FFAR3: variants seen among roughly 807,000 people sequenced by gnomAD.
FFAR3 encodes G-protein coupled receptor 41.
For synonymous variants in FFAR3, 68 were observed against 201.1 expected, an observed-to-expected ratio of 0.34 and a Z score of 5.60; for missense variants, 136 against 446.5, an observed-to-expected ratio of 0.30 and a Z score of 6.27.
upstream of FFAR3, chr19:35,358,394 G>A (rs1683020204): frequency 1.1e-6 from 1 of 931,396 alleles, no homozygotes; most frequent in African/African-American, 1.8e-5. Context: ...ACGTCGGCTG[G>A]GGCCTGCTTA....
At chr19:35,358,411 C>T (rs2066973804), upstream of FFAR3, 3 of 1,067,606 alleles carry the variant, frequency 2.8e-6, no homozygotes, top group Non-Finnish European at 3.4e-6. Flanking sequence ...CTTAGAGCAT[C>T]CCAGCTGAGA....
At chr19:35,358,347 A>C, upstream of FFAR3, 1 of 472,640 alleles carries the variant, frequency 2.1e-6, no homozygotes, top group East Asian at 1.2e-4. Context: ...CATTCTAGAG[A>C]AGCAGACAAA....
upstream of FFAR3, chr19:35,358,427 T>C (rs1029904891): frequency 9.2e-7 from 1 of 1,090,792 alleles, no homozygotes; most frequent in Non-Finnish European, 1.1e-6. Context: ...TGAGACTGCA[T>C]GAGGAGGGAG....
rs2066974508 is a variant in FFAR3 at position 35,358,538 on chromosome 19, A to T, written c.-123A>T. The T allele has an allele frequency of 1.6e-6, 2 of 1,280,108 alleles. No homozygotes were observed. Among genetic ancestry groups the T allele is most frequent in the Non-Finnish European group, 2.0e-6 (2 of 1,002,060 alleles). The allele number at this position is 1,280,108 out of a possible 1,614,324, so 79.3% of individuals were successfully genotyped here. A position where few individuals can be genotyped will look rare whatever the true frequency, so the allele number is the denominator to read the frequency against. On this transcript the variant is annotated 5_prime_UTR_variant, in exon 1 of 2. An upstream start codon of the reference 5' UTR is lost. Coordinates refer to ENST00000327809, the MANE Select transcript of FFAR3 (RefSeq NM_005304.5). ...CCACTGCTCAACAGTGAGTGACGTC[A>T]TGGGCACGGCCAGGTCTTTATCAGT...
chr19:35,359,650 A>T lies in FFAR3; in HGVS notation c.760A>T (p.Ser254Cys), dbSNP rs145749822. The stretch of plus-strand genomic sequence containing the variant: ...TGTCGTGGGCTATATCTGCGGTGAA[A>T]GCCCGGCGTGGAGGATCTACGTGAC... Reference protein sequence around the residue: ...SHVVGYICGESPAWRIYVTLL... With the variant: ...SHVVGYICGECPAWRIYVTLL... The change falls in exon 2 of 2, where the codon AGC (serine) becomes TGC (cysteine). Residue 254 changes from serine (S) to cysteine (C), a missense_variant. Ser to Cys is a moderately radical substitution (Grantham distance 112, BLOSUM62 -1). Transcript: ENST00000327809. The T allele has an allele frequency of 2.9e-5, 46 of 1,614,034 alleles. No homozygotes were observed. The African/African-American group carries it at 5.1e-4, about 18-fold the overall frequency.
At position 35,359,907 on chromosome 19, in the gene FFAR3, C is replaced by G. The variant is rs767292328; in HGVS notation, c.1017C>G (p.Gly339=). The G allele has an allele frequency of 9.5e-6, 15 of 1,570,730 alleles. No homozygotes were observed. The highest frequency in any genetic ancestry group is 1.1e-5 in the Non-Finnish European group (13 of 1,158,526). The change falls in exon 2 of 2, where the codon GGC becomes GGG. Residue 339 remains glycine (G), a synonymous_variant. Transcript: ENST00000327809. ...ACTCACAGGGCTGTGGAACTGGTGG[C>G]CAGGTGGCCTGTGCTGAAAGCTAGG... ...SEHSQGCGTG[G]QVACAES
chr19:35,358,478 C>G lies in FFAR3; in HGVS notation c.-183C>G, dbSNP rs2066974140. 8.7e-7 allele frequency: 1 copy of G among 1,155,192 alleles called. No individual in the cohort carries two copies. The highest frequency in any genetic ancestry group is 1.1e-6 in the Non-Finnish European group (1 of 931,900). The allele number at this position is 1,155,192 out of a possible 1,614,324, so 71.6% of individuals were successfully genotyped here. A position where few individuals can be genotyped will look rare whatever the true frequency, so the allele number is the denominator to read the frequency against. On this transcript the variant is annotated 5_prime_UTR_variant, in exon 1 of 2. Coordinates refer to ENST00000327809, the MANE Select transcript of FFAR3 (RefSeq NM_005304.5). The stretch of plus-strand genomic sequence containing the variant: ...ATTTGTTCCCCTTTTAGCATGCTGA[C>G]CAGCCCTGGCAACGGAGCTCAAGGC...
In FFAR3 at chr19:35,360,190, G is replaced by A; in HGVS notation, c.*259G>A. On this transcript the variant is annotated 3_prime_UTR_variant, in exon 2 of 2. Coordinates refer to ENST00000327809, the MANE Select transcript of FFAR3 (RefSeq NM_005304.5). ...TCTGGAGAACAATGAGGTCCTCATA[G>A]CAGCAGGCAGCTCCTGTGTTTTCTT... 1 of 530,000 alleles carries A rather than the reference G, an allele frequency of 1.9e-6. No individual in the cohort carries two copies. The highest frequency in any genetic ancestry group is 3.5e-6 in the Non-Finnish European group (1 of 282,504). The allele number at this position is 530,000 out of a possible 1,614,324, so 32.8% of individuals were successfully genotyped here. A position where few individuals can be genotyped will look rare whatever the true frequency, so the allele number is the denominator to read the frequency against.
upstream of FFAR3, among the ~76,000 whole-genome samples, chr19:35,358,272 C>G (rs962844051): frequency 6.6e-6 from 1 of 152,192 alleles, no homozygotes; most frequent in African/African-American, 2.4e-5. Context: ...AAACAGACCT[C>G]ACGGAGCTCG....
chr19:35,358,395 G>A (rs1446629603), upstream of FFAR3: 7 of 947,104 alleles, frequency 7.4e-6, no homozygotes, highest in Admixed American at 2.5e-4. Flanking sequence ...CGTCGGCTGG[G>A]GCCTGCTTAG....
Position 35,359,849 on chromosome 19 carries a change from C to G in FFAR3, c.959C>G (p.Ala320Gly), listed in dbSNP as rs747309118. The change falls in exon 2 of 2, where the codon GCG becomes GGG. Residue 320 changes from alanine to glycine, a missense_variant. Ala to Gly is a moderately conservative substitution (Grantham distance 60). Coordinates refer to ENST00000327809, the MANE Select transcript of FFAR3 (RefSeq NM_005304.5). ...CAGAAGGGAGGGGAGGAGCAGAGAG[C>G]GGACCGACCAGCTGAAAGAAAGACC... ...KEQKGGEEQRADRPAERKTSE... is the reference protein window; with the variant it reads ...KEQKGGEEQRGDRPAERKTSE... 1.3e-6 allele frequency: 2 copies of G among 1,596,966 alleles called. No homozygotes were observed. Among genetic ancestry groups the G allele is most frequent in the African/African-American group, 1.3e-5 (1 of 74,262 alleles).
In FFAR3 at chr19:35,358,526, G is replaced by A. The variant is rs375854528; in HGVS notation, c.-135G>A. On this transcript the variant is annotated 5_prime_UTR_variant, in exon 1 of 2. It adds an upstream start codon to the 5' untranslated region. Transcript: ENST00000327809. The stretch of plus-strand genomic sequence containing the variant: ...GGCATCTATGTGCCACTGCTCAACA[G>A]TGAGTGACGTCATGGGCACGGCCAG... The A allele has an allele frequency of 1.2e-5, 15 of 1,265,636 alleles. No individual in the cohort carries two copies. The East Asian group carries it at 2.8e-4, about 24-fold the overall frequency. 78.4% of individuals were successfully genotyped at this position (1,265,636 alleles called of 1,614,324 possible). A position where few individuals can be genotyped will look rare whatever the true frequency, so the allele number is the denominator to read the frequency against.
rs1445920707 is a variant in FFAR3, at chr19:35,360,207, T to C, written c.*276T>C. On this transcript the variant is annotated 3_prime_UTR_variant, in exon 2 of 2. Coordinates refer to ENST00000327809, the MANE Select transcript of FFAR3 (RefSeq NM_005304.5). ...TCCTCATAGCAGCAGGCAGCTCCTG[T>C]GTTTTCTTGAGGGTGGCAGAGGAGC... is the stretch of plus-strand genomic sequence containing the variant. 3.8e-6 allele frequency: 2 copies of C among 522,544 alleles called. No individual in the cohort carries two copies. The highest frequency in any genetic ancestry group is 2.1e-5 in the South Asian group (1 of 48,260). 32.4% of individuals were successfully genotyped at this position (522,544 alleles called of 1,614,324 possible).
At position 35,358,548 on chromosome 19, in the gene FFAR3, C is replaced by T; in HGVS notation, c.-113C>T. The T allele has an allele frequency of 1.5e-6, 2 of 1,292,850 alleles. No homozygotes were observed. Among genetic ancestry groups the T allele is most frequent in the South Asian group, 3.2e-5 (2 of 61,942 alleles). 80.1% of individuals were successfully genotyped at this position (1,292,850 alleles called of 1,614,324 possible). The stretch of plus-strand genomic sequence containing the variant: ...ACAGTGAGTGACGTCATGGGCACGG[C>T]CAGGTCTTTATCAGTTCTGCCGGAT... On this transcript the variant is annotated 5_prime_UTR_variant, in exon 1 of 2. Transcript: ENST00000327809.
Position 35,358,469 on chromosome 19 carries a change from G to A in FFAR3, c.-192G>A. ...AGTTGTGGAATTTGTTCCCCTTTTA[G>A]CATGCTGACCAGCCCTGGCAACGGA... On this transcript the variant is annotated 5_prime_UTR_variant, in exon 1 of 2. Coordinates refer to ENST00000327809, the MANE Select transcript of FFAR3 (RefSeq NM_005304.5). The A allele has an allele frequency of 2.6e-6, 3 of 1,134,558 alleles. No individual in the cohort carries two copies. In the African/African-American group the frequency reaches 4.8e-5, roughly 18 times the overall value. 70.3% of individuals were successfully genotyped at this position (1,134,558 alleles called of 1,614,324 possible).
At position 35,359,037 on chromosome 19, in the gene FFAR3, C is replaced by A; in HGVS notation, c.147C>A (p.Ala49=). The A allele has an allele frequency of 6.2e-7, 1 of 1,611,714 alleles. No individual in the cohort carries two copies. Among genetic ancestry groups the A allele is most frequent in the Non-Finnish European group, 8.5e-7 (1 of 1,178,372 alleles). ...GCAAGCTGCAGCGCCGCCCGGTGGC[C>A]GTGGACGTGCTCCTGCTCAACCTGA... ...FVGKLQRRPV[A]VDVLLLNLTA... The change falls in exon 2 of 2, where the codon GCC becomes GCA. Residue 49 remains alanine, a synonymous_variant. Coordinates refer to ENST00000327809, the MANE Select transcript of FFAR3 (RefSeq NM_005304.5).
chr19:35,358,481 G>T lies in FFAR3; in HGVS notation c.-180G>T. The T allele has an allele frequency of 8.6e-7, 1 of 1,162,464 alleles. No individual in the cohort carries two copies. Among genetic ancestry groups the T allele is most frequent in the Non-Finnish European group, 1.1e-6 (1 of 935,954 alleles). 72.0% of individuals were successfully genotyped at this position (1,162,464 alleles called of 1,614,324 possible). A position where few individuals can be genotyped will look rare whatever the true frequency, so the allele number is the denominator to read the frequency against. Reference sequence around the variant, plus strand: ...TGTTCCCCTTTTAGCATGCTGACCAGCCCTGGCAACGGAGCTCAAGGCATC... The same window carrying T: ...TGTTCCCCTTTTAGCATGCTGACCATCCCTGGCAACGGAGCTCAAGGCATC... On this transcript the variant is annotated 5_prime_UTR_variant, in exon 1 of 2. Coordinates refer to ENST00000327809, the MANE Select transcript of FFAR3 (RefSeq NM_005304.5).
Position 35,360,018 on chromosome 19 carries a change from G to A in FFAR3, c.*87G>A, listed in dbSNP as rs2066986931. The A allele has an allele frequency of 7.9e-6, 5 of 629,028 alleles. No individual in the cohort carries two copies. Among genetic ancestry groups the A allele is most frequent in the Non-Finnish European group, 1.4e-5 (5 of 356,332 alleles). 39.0% of individuals were successfully genotyped at this position (629,028 alleles called of 1,614,324 possible). ...CAGGAGGGACTTGGAGTGGCGAGCTGGGGCCCGATGGGGCTTGGGGGCAGA... is the reference window on the plus strand; with the variant it reads ...CAGGAGGGACTTGGAGTGGCGAGCTAGGGCCCGATGGGGCTTGGGGGCAGA... On this transcript the variant is annotated 3_prime_UTR_variant, in exon 2 of 2. Coordinates refer to ENST00000327809, the MANE Select transcript of FFAR3 (RefSeq NM_005304.5).
At position 35,359,632 on chromosome 19, in the gene FFAR3, G is replaced by C; in HGVS notation, c.742G>C (p.Gly248Arg). The C allele has an allele frequency of 6.2e-7, 1 of 1,614,074 alleles. No individual in the cohort carries two copies. Among genetic ancestry groups the C allele is most frequent in the Non-Finnish European group, 8.5e-7 (1 of 1,179,876 alleles). ...GCCCTACAACGTGTCCCATGTCGTG[G>C]GCTATATCTGCGGTGAAAGCCCGGC... is the stretch of plus-strand genomic sequence containing the variant. ...FGPYNVSHVV[G>R]YICGESPAWR... Residue 248 changes from glycine (G) to arginine (R), a missense_variant, in exon 2 of 2, where the codon GGC (glycine) becomes CGC (arginine). Gly to Arg is a moderately radical substitution (Grantham distance 125). Coordinates refer to ENST00000327809, the MANE Select transcript of FFAR3 (RefSeq NM_005304.5).
Sources: gnomAD v4.1 joint callset for allele counts (sites outside exome capture counted in the v4.1 genomes callset) on GRCh38, gnomAD v4.1.1 for gene constraint, MANE v1.5 for transcripts, NCBI Gene and HGNC (gene_info 2026-07-23, HGNC 2026-07-21) for gene names.